Variants in ROS1 observed in about 807,000 individuals in gnomAD.
ROS1 encodes the protein proto-oncogene tyrosine-protein kinase ROS.
In ROS1, 263 loss-of-function variants were observed where a neutral mutation model predicts 273.5. The observed-to-expected ratio is 0.96, with a 90% CI of 0.87 to 1.06. The LOEUF is 1.06. Among genes scored for constraint, ROS1 ranks in the 50% least tolerant of loss-of-function variants. ROS1 has a pLI of 0.00. For missense variants in ROS1, 2,833 were observed against 2,751.1 expected, an observed-to-expected ratio of 1.03 and a Z score of -0.67; for synonymous variants, 1,008 against 954.1, an observed-to-expected ratio of 1.06 and a Z score of -1.04.
At chr6:117,401,095 T>C (rs1316766744) in intron 7 of ROS1, among the ~76,000 whole-genome samples, 1 of 152,178 alleles carries the variant, frequency 6.6e-6, no homozygotes, top group Non-Finnish European at 1.5e-5. Context: ...TTTTCCCATC[T>C]TCCTTGCCAA....
chr6:117,315,458 G>C (rs1775851102), intron 39 of ROS1, among the ~76,000 whole-genome samples: 2 of 151,998 alleles, frequency 1.3e-5, no homozygotes. Context: ...ATTTTTGAAG[G>C]GGAGGAGGCA....
intron 43 of ROS1, among the ~76,000 whole-genome samples, chr6:117,293,177 T>C (rs1773966328): frequency 6.6e-6 from 1 of 151,992 alleles, no homozygotes; most frequent in African/African-American, 2.4e-5. Flanking sequence ...TAGTGTAGAC[T>C]TGGCATCCTT....
At chr6:117,365,783 G>A in intron 19 of ROS1, 42 bp from the exon 20 acceptor site, 2 of 1,386,184 alleles carry the variant, frequency 1.4e-6, no homozygotes, top group Non-Finnish European at 1.9e-6. Context: ...GAAAAAAATG[G>A]GGATTATTGA....
At chr6:117,363,251 G>A (rs935483653) in intron 21 of ROS1, among the ~76,000 whole-genome samples, 4 of 152,140 alleles carry the variant, frequency 2.6e-5, no homozygotes, top group African/African-American at 9.7e-5. Flanking sequence ...TCATCATCAG[G>A]ATGGATGGCA....
intron 36 of ROS1, among the ~76,000 whole-genome samples, chr6:117,320,975 C>T (rs1226712412): frequency 6.6e-6 from 1 of 152,128 alleles, no homozygotes; most frequent in Non-Finnish European, 1.5e-5. Flanking sequence ...ATGTTACCAT[C>T]TATTCTCTTC....
chr6:117,314,326 A>T (rs1775750755), intron 39 of ROS1, among the ~76,000 whole-genome samples: 1 of 152,120 alleles, frequency 6.6e-6, no homozygotes, highest in South Asian at 2.1e-4. Flanking sequence ...GAGGAGTGGT[A>T]ATTTAGCAGA....
At chr6:117,313,138 A>G (rs1775668939) in intron 39 of ROS1, among the ~76,000 whole-genome samples, 1 of 152,208 alleles carries the variant, frequency 6.6e-6, no homozygotes, top group Non-Finnish European at 1.5e-5. Context: ...TCACCGTTGT[A>G]TAGCAAACAC....
At chr6:117,310,560 A>G (rs892751688) in intron 40 of ROS1, among the ~76,000 whole-genome samples, 1 of 151,804 alleles carries the variant, frequency 6.6e-6, no homozygotes, top group South Asian at 2.1e-4. Flanking sequence ...AACCCCAGAC[A>G]GGCCCTGGTG....
intron 39 of ROS1, among the ~76,000 whole-genome samples, chr6:117,313,297 T>C (rs1168819564): frequency 4.6e-5 from 7 of 152,126 alleles, no homozygotes; most frequent in Non-Finnish European, 8.8e-5. Context: ...AGGTGTGGTA[T>C]CTCATGCCTG....
intron 27 of ROS1, among the ~76,000 whole-genome samples, chr6:117,350,334 T>C (rs1016273865): frequency 3.9e-5 from 6 of 152,110 alleles, no homozygotes; most frequent in African/African-American, 1.4e-4. Flanking sequence ...ATATAGTTTC[T>C]GAGGAGAAGT....
At position 117,365,149 on chromosome 6, in the gene ROS1, G is replaced by A; in HGVS notation, c.3014C>T (p.Pro1005Leu). 6.2e-7 allele frequency: 1 copy of A among 1,613,198 alleles called. No homozygotes were observed. Among genetic ancestry groups the A allele is most frequent in the South Asian group, 1.1e-5 (1 of 91,046 alleles). ...LPVFTVEGLE[P>L]YALFNLSVTP... ...GACAGAAAGATTAAATAAGGCATAA[G>A]GTTCCAGTCCTTCCACAGTAAATAC... The change falls in exon 21 of 44, where the codon CCT becomes CTT. Residue 1005 changes from proline (P) to leucine (L), a missense_variant. Physicochemically the swap from Pro to Leu is moderately conservative, Grantham distance 98. Transcript: ENST00000368507.
intron 28 of ROS1, among the ~76,000 whole-genome samples, chr6:117,343,694 T>C (rs1016876280): frequency 3.3e-4 from 50 of 152,316 alleles, no homozygotes; most frequent in Middle Eastern, 3.4e-3. Context: ...GTTCTTTCCG[T>C]CCAGTTCATT....
In ROS1 at chr6:117,393,046, A is replaced by G. The variant is rs373692747; in HGVS notation, c.1289+178T>C. ...TATAAGAGTTGATTTATGTTTGAAA[A>G]AACATTCCCTCCTGGCTCTACAGAA... On this transcript the variant is annotated intron_variant, in intron 12 of 43. Coordinates refer to ENST00000368507, the MANE Select transcript of ROS1 (RefSeq NM_001378902.1). Among the ~76,000 whole-genome samples, 16 of 152,310 alleles carry G rather than the reference A, an allele frequency of 1.1e-4. No individual in the cohort carries two copies. The East Asian group carries it at 2.9e-3, about 28-fold the overall frequency.
chr6:117,333,364 C>T (rs1333513514), intron 32 of ROS1, among the ~76,000 whole-genome samples: 1 of 151,964 alleles, frequency 6.6e-6, no homozygotes, highest in African/African-American at 2.4e-5. Context: ...AGACTACCAA[C>T]CAAAAAAAGC....
At chr6:117,401,373 T>C (rs1460311821) in intron 7 of ROS1, among the ~76,000 whole-genome samples, 7 of 152,200 alleles carry the variant, frequency 4.6e-5, no homozygotes, top group Non-Finnish European at 8.8e-5. Flanking sequence ...ATAAAATCTG[T>C]ACTCCTTATC....
chr6:117,314,328 T>C (rs1057124763), intron 39 of ROS1, among the ~76,000 whole-genome samples: 3 of 151,998 alleles, frequency 2.0e-5, no homozygotes, highest in Non-Finnish European at 4.4e-5. Context: ...GGAGTGGTAA[T>C]TTAGCAGAGC....
intron 23 of ROS1, 83 bp downstream of exon 23, chr6:117,360,259 A>G (rs2128649713): frequency 3.3e-6 from 3 of 902,642 alleles, no homozygotes; most frequent in Non-Finnish European, 3.2e-6. Context: ...TCATATCCCT[A>G]AAGACACCAA....
At chr6:117,309,022 G>T in intron 41 of ROS1, 94 bp from the exon 42 acceptor site, 1 of 1,226,808 alleles carries the variant, frequency 8.2e-7, no homozygotes. Flanking sequence ...GGGCTAGCAG[G>T]GTCTACTTTG....
chr6:117,377,199 C>T (rs552201458), intron 18 of ROS1, among the ~76,000 whole-genome samples: 72 of 152,276 alleles, frequency 4.7e-4, no homozygotes, highest in African/African-American at 1.7e-3. Flanking sequence ...TAACCTCTGC[C>T]TCCCCGGTTC....
Sources: allele counts gnomAD v4.1 joint callset (sites outside exome capture counted in the v4.1 genomes callset), GRCh38; gene constraint gnomAD v4.1.1; transcripts MANE v1.5; gene names NCBI Gene and HGNC (gene_info 2026-07-23, HGNC 2026-07-21).